Variants in ZNF713 observed in about 807,000 individuals in gnomAD.
The protein encoded by ZNF713 is zinc finger protein 713.
A neutral mutation model predicts 28.7 loss-of-function variants in ZNF713; 21 were observed. The ratio of observed to expected loss-of-function variants is 0.73; its 90% CI spans 0.52 to 1.05. ZNF713 has a LOEUF of 1.05. Among genes scored for constraint, ZNF713 ranks in the 50% least tolerant of loss-of-function variants. The probability of loss-of-function intolerance (pLI) is 0.00; values close to 1 mark genes in which losing one functional copy is unlikely to be tolerated. For synonymous variants in ZNF713, 167 were observed against 178.0 expected, an observed-to-expected ratio of 0.94 and a Z score of 0.49; for missense variants, 458 against 532.4, an observed-to-expected ratio of 0.86 and a Z score of 1.37.
At chr7:55,916,704 T>C (rs117465058) in intron 4 of ZNF713, among the ~76,000 whole-genome samples, 180 of 152,344 alleles carry the variant, frequency 1.2e-3, no homozygotes, top group Admixed American at 2.1e-3. Context: ...TGTTCAATAA[T>C]TGATGTTGGG....
chr7:55,900,893 ACTC>A (rs1204758241), intron 1 of ZNF713, among the ~76,000 whole-genome samples: 12 of 152,058 alleles, frequency 7.9e-5, no homozygotes, highest in Middle Eastern at 3.4e-3. Context: ...CTGGTCTCGA[ACTC>A]CTGACCTCAA....
chr7:55,935,809 G>T (rs1039143718), intron 6 of ZNF713, among the ~76,000 whole-genome samples: 4 of 151,400 alleles, frequency 2.6e-5, no homozygotes, highest in Admixed American at 2.6e-4. Context: ...AAAAAAATTA[G>T]CCGAGTGTGG....
chr7:55,901,551 G>A (rs898761027), intron 1 of ZNF713, among the ~76,000 whole-genome samples: 8 of 152,154 alleles, frequency 5.3e-5, no homozygotes, highest in African/African-American at 1.9e-4. Context: ...CCAGTGTCTA[G>A]TAGTTTAATC....
chr7:55,899,438 GGGGGGGGGTT>G (rs1785532894), intron 1 of ZNF713, among the ~76,000 whole-genome samples: 1 of 143,962 alleles, frequency 6.9e-6, no homozygotes, highest in South Asian at 2.4e-4. Context: ...GCCGAGGGGG[GGGGGGGGGTT>G]GATCACAAGG....
At chr7:55,912,598 G>T (rs570978645) in intron 3 of ZNF713, 37 bp from the exon 4 acceptor site, 7 of 1,453,896 alleles carry the variant, frequency 4.8e-6, no homozygotes, top group South Asian at 3.6e-5. Context: ...TTTAACCTTC[G>T]TGTCATATAT....
intron 6 of ZNF713, among the ~76,000 whole-genome samples, chr7:55,935,371 T>TAC (rs1447465964): frequency 3.3e-5 from 5 of 151,750 alleles, no homozygotes; most frequent in African/African-American, 1.2e-4. Context: ...AGTAGACCTA[T>TAC]ATATATATAT....
At chr7:55,906,435 T>A (rs1753065384) in intron 2 of ZNF713, 56 bp downstream of exon 2, 2 of 152,220 alleles carry the variant, frequency 1.3e-5, no homozygotes, top group Non-Finnish European at 2.9e-5. Context: ...TAGACATTAT[T>A]TGGGCTGTTT....
chr7:55,940,600 G>A lies in ZNF713; in HGVS notation c.*594G>A. On this transcript the variant is annotated 3_prime_UTR_variant, in exon 7 of 7. Coordinates refer to ENST00000429591, the MANE Select transcript of ZNF713 (RefSeq NM_182633.3). ...TAAAAAATCAGAAGTCCTTATCCAG[G>A]CATGGTGGTGCACACCTGCAATCCC... The A allele has an allele frequency of 2.1e-6, 2 of 968,850 alleles. No homozygotes were observed. The highest frequency in any genetic ancestry group is 2.5e-6 in the Non-Finnish European group (2 of 815,406). The allele number at this position is 968,850 out of a possible 1,614,324, so 60.0% of individuals were successfully genotyped here.
intron 1 of ZNF713, among the ~76,000 whole-genome samples, chr7:55,898,992 G>C (rs189557531): frequency 6.6e-6 from 1 of 152,236 alleles, no homozygotes; most frequent in East Asian, 1.9e-4. Context: ...AAAAGGGAAC[G>C]CTTATGCACT....
chr7:55,894,133 GT>G (rs1785434780), intron 1 of ZNF713, among the ~76,000 whole-genome samples: 1 of 152,208 alleles, frequency 6.6e-6, no homozygotes, highest in Non-Finnish European at 1.5e-5. Context: ...ATGGCCTGCA[GT>G]TCTCAACATA....
intron 2 of ZNF713, among the ~76,000 whole-genome samples, chr7:55,906,698 G>T (rs1180409850): frequency 2.6e-5 from 4 of 152,056 alleles, no homozygotes; most frequent in Admixed American, 6.6e-5. Flanking sequence ...TTGGGAATTG[G>T]GGCTTGGTTT....
At chr7:55,923,730 A>G in intron 6 of ZNF713, 31 bp downstream of exon 6, 1 of 1,578,452 alleles carries the variant, frequency 6.3e-7, no homozygotes, top group Non-Finnish European at 8.7e-7. Flanking sequence ...ACTGCTACTT[A>G]ATGAGGGAAA....
rs117501669 is a variant in ZNF713, at chr7:55,893,441, G to A, written c.-583+5761G>A. 5.9e-5 allele frequency among the ~76,000 whole-genome samples: 9 copies of A among 152,178 alleles called. No homozygotes were observed. In the East Asian group the frequency reaches 1.7e-3, roughly 29 times the overall value. On this transcript the variant is annotated intron_variant, in intron 1 of 6. Coordinates refer to ENST00000429591, the MANE Select transcript of ZNF713 (RefSeq NM_182633.3). ...TGGGGTAAGACCACTCTAGAATGAG[G>A]ATCTTATGACCTACAATGAAACAAG...
intron 6 of ZNF713, among the ~76,000 whole-genome samples, chr7:55,931,242 C>T (rs549139714): frequency 4.0e-5 from 6 of 151,728 alleles, no homozygotes; most frequent in Admixed American, 3.3e-4. Flanking sequence ...GCCGAGATCA[C>T]GTCATTGCTC....
intron 1 of ZNF713, among the ~76,000 whole-genome samples, chr7:55,898,341 GTA>G (rs1785511012): frequency 6.6e-6 from 1 of 152,186 alleles, no homozygotes; most frequent in Non-Finnish European, 1.5e-5. Context: ...ATATGGGACT[GTA>G]TTAGTCTGTT....
chr7:55,898,580 A>C (rs569390316), intron 1 of ZNF713, among the ~76,000 whole-genome samples: 1 of 152,112 alleles, frequency 6.6e-6, no homozygotes, highest in Non-Finnish European at 1.5e-5. Flanking sequence ...GTGAGAATTC[A>C]CTCATTATCG....
intron 1 of ZNF713, among the ~76,000 whole-genome samples, chr7:55,905,783 C>T (rs906073558): frequency 6.6e-6 from 1 of 151,960 alleles, no homozygotes; most frequent in Non-Finnish European, 1.5e-5. Context: ...GTAAACAGCT[C>T]AGGAACTGCT....
At chr7:55,936,775 C>G (rs888586243) in intron 6 of ZNF713, among the ~76,000 whole-genome samples, 4 of 152,020 alleles carry the variant, frequency 2.6e-5, no homozygotes, top group African/African-American at 9.7e-5. Context: ...TGGATCTTGT[C>G]AAGTAGGATG....
intron 1 of ZNF713, among the ~76,000 whole-genome samples, chr7:55,897,534 A>C (rs1156611007): frequency 6.7e-6 from 1 of 150,148 alleles, no homozygotes; most frequent in Non-Finnish European, 1.5e-5. Flanking sequence ...TCCCACCTCC[A>C]CCTCCCAAAG....
Sources: gnomAD v4.1 joint callset for allele counts (sites outside exome capture counted in the v4.1 genomes callset) on GRCh38, gnomAD v4.1.1 for gene constraint, MANE v1.5 for transcripts, NCBI Gene and HGNC (gene_info 2026-07-23, HGNC 2026-07-21) for gene names.